Variants in ZCCHC4 observed in about 807,000 individuals in gnomAD.
The protein encoded by ZCCHC4 is rRNA N(6)-adenosine-methyltransferase ZCCHC4.
ZCCHC4 carries 54 observed loss-of-function variants against 67.7 expected under a neutral mutation model. That is an observed-to-expected ratio of 0.80 (90% CI 0.64 to 1.00). The LOEUF is 1.00. Ranked by LOEUF, ZCCHC4 falls within the 50% of genes least tolerant of loss-of-function variation. ZCCHC4 has a pLI of 0.00. For missense variants in ZCCHC4, 609 were observed against 617.0 expected, an observed-to-expected ratio of 0.99 and a Z score of 0.14; for synonymous variants, 198 against 213.5, an observed-to-expected ratio of 0.93 and a Z score of 0.63.
Position 25,333,922 on chromosome 4 carries a change from T to G in ZCCHC4, c.620T>G (p.Ile207Ser). Residue 207 changes from isoleucine to serine, a missense_variant, in exon 5 of 13, where the codon ATC (isoleucine) becomes AGC (serine). Ile to Ser is a moderately radical substitution (Grantham distance 142). Transcript: ENST00000302874. ...CVGTPRLHEL[I>S]KLTASGDKKS... is the part of the protein sequence containing the mutation. Reference sequence around the variant, plus strand: ...AATTGCTTTAGGTTGCATGAGCTGATCAAGTTGACAGCATCAGGTGACAAG... The same window carrying G: ...AATTGCTTTAGGTTGCATGAGCTGAGCAAGTTGACAGCATCAGGTGACAAG... 5.6e-6 allele frequency: 9 copies of G among 1,600,048 alleles called. No individual in the cohort carries two copies. Among genetic ancestry groups the G allele is most frequent in the African/African-American group, 5.4e-5 (4 of 74,442 alleles).
chr4:25,348,383 C>T (rs1720124971), intron 6 of ZCCHC4, among the ~76,000 whole-genome samples: 1 of 152,074 alleles, frequency 6.6e-6, no homozygotes, highest in Non-Finnish European at 1.5e-5. Context: ...AATCTCATGT[C>T]ATTTTGTATA....
rs140079010 is a variant in ZCCHC4, at chr4:25,314,893, A to G, written c.247-425A>G. Among the ~76,000 whole-genome samples the G allele has an allele frequency of 3.6e-4, 55 of 152,336 alleles. 1 individual carries two copies. Among genetic ancestry groups the G allele is most frequent in the Middle Eastern group, 6.8e-3 (2 of 294 alleles). ...TGAACATCCCTTATACAGCTATTAGATGACCAATGAAGGCACTTAGAGATA... is the reference window on the plus strand; with the variant it reads ...TGAACATCCCTTATACAGCTATTAGGTGACCAATGAAGGCACTTAGAGATA... On this transcript the variant is annotated intron_variant, in intron 2 of 12. Transcript: ENST00000302874.
intron 6 of ZCCHC4, among the ~76,000 whole-genome samples, chr4:25,346,669 G>T (rs1415383603): frequency 1.3e-5 from 2 of 152,118 alleles, no homozygotes; most frequent in Non-Finnish European, 2.9e-5. Flanking sequence ...TTAGCATTGG[G>T]ATATATATTA....
chr4:25,343,002 A>T (rs996358204), intron 5 of ZCCHC4, among the ~76,000 whole-genome samples: 1 of 152,168 alleles, frequency 6.6e-6, no homozygotes, highest in Admixed American at 6.5e-5. Context: ...AACAATAGGG[A>T]TTATGTTAAA....
At chr4:25,343,164 A>G (rs1360381407) in intron 5 of ZCCHC4, among the ~76,000 whole-genome samples, 3 of 152,178 alleles carry the variant, frequency 2.0e-5, no homozygotes, top group Non-Finnish European at 4.4e-5. Context: ...AGGAAGACAT[A>G]TTTGTTTAAT....
chr4:25,328,446 G>A (rs2109059745), intron 3 of ZCCHC4, among the ~76,000 whole-genome samples: 1 of 152,174 alleles, frequency 6.6e-6, no homozygotes, highest in Admixed American at 6.5e-5. Context: ...TGCCATATTG[G>A]CCAGGCTGGT....
rs1439427222 is a variant in ZCCHC4 at position 25,340,076 on chromosome 4, G to A, written c.687-5472G>A. 6.6e-5 allele frequency among the ~76,000 whole-genome samples: 10 copies of A among 152,108 alleles called. No individual in the cohort carries two copies. The East Asian group carries it at 1.5e-3, about 24-fold the overall frequency. On this transcript the variant is annotated intron_variant, in intron 5 of 12. Transcript: ENST00000302874. Reference sequence around the variant, plus strand: ...GTAGAGATGAGCTTTCACCATGTTAGCCAGGATGGTCTCGATCTCCTGACC... The same window carrying A: ...GTAGAGATGAGCTTTCACCATGTTAACCAGGATGGTCTCGATCTCCTGACC...
intron 5 of ZCCHC4, among the ~76,000 whole-genome samples, chr4:25,343,162 A>G (rs1414396026): frequency 1.3e-5 from 2 of 152,174 alleles, no homozygotes; most frequent in Non-Finnish European, 2.9e-5. Context: ...ATAGGAAGAC[A>G]TATTTGTTTA....
intron 8 of ZCCHC4, among the ~76,000 whole-genome samples, chr4:25,354,905 C>CTT (rs61156499): frequency 0.027 from 2,745 of 101,474 alleles, 108 homozygotes; most frequent in African/African-American, 0.045. Flanking sequence ...TTGATTAGGC[C>CTT]TTTTTTTTTT....
intron 8 of ZCCHC4, among the ~76,000 whole-genome samples, chr4:25,355,056 A>G (rs1412450055): frequency 6.6e-6 from 1 of 152,186 alleles, no homozygotes; most frequent in Non-Finnish European, 1.5e-5. Flanking sequence ...TTCATAAAAC[A>G]TAAATTATGT....
intron 5 of ZCCHC4, among the ~76,000 whole-genome samples, chr4:25,342,087 T>G (rs1719780812): frequency 6.6e-6 from 1 of 152,220 alleles, no homozygotes; most frequent in South Asian, 2.1e-4. Context: ...CAGTTCAGTT[T>G]TTTTGATAAC....
rs1720627316 is a variant in ZCCHC4, at chr4:25,359,164, C to T, written c.1012-2695C>T. On this transcript the variant is annotated intron_variant, in intron 8 of 12. Coordinates refer to ENST00000302874, the MANE Select transcript of ZCCHC4 (RefSeq NM_024936.3). This position sits in a 1 kb window ranked among gnomAD's most constrained non-coding sequence, Gnocchi z 4.9. ...AACCTGGGCAGCAGTAGATGGGTCC[C>T]CCGCAAGCATGGAGAAGGTACTGAA... 6.6e-6 allele frequency among the ~76,000 whole-genome samples: 1 copy of T among 152,172 alleles called. No homozygotes were observed. Among genetic ancestry groups the T allele is most frequent in the African/African-American group, 2.4e-5 (1 of 41,440 alleles).
At chr4:25,336,367 A>G (rs1719459872) in intron 5 of ZCCHC4, among the ~76,000 whole-genome samples, 1 of 152,220 alleles carries the variant, frequency 6.6e-6, no homozygotes, top group Non-Finnish European at 1.5e-5. Flanking sequence ...GCATGGAGCT[A>G]GAAACTTCTT....
At chr4:25,320,186 T>A (rs1560397894) in intron 3 of ZCCHC4, among the ~76,000 whole-genome samples, 1 of 152,202 alleles carries the variant, frequency 6.6e-6, no homozygotes, top group South Asian at 2.1e-4. Flanking sequence ...GATTTGCTTT[T>A]TTTTTTATAG....
intron 6 of ZCCHC4, among the ~76,000 whole-genome samples, chr4:25,348,789 T>G (rs1720144114): frequency 6.6e-6 from 1 of 152,112 alleles, no homozygotes; most frequent in Non-Finnish European, 1.5e-5. Context: ...GTCAGTTGAG[T>G]GGAGATACTG....
chr4:25,333,400 T>G lies in ZCCHC4; in HGVS notation c.547T>G (p.Leu183Val). 6.2e-7 allele frequency: 1 copy of G among 1,614,180 alleles called. No individual in the cohort carries two copies. The highest frequency in any genetic ancestry group is 8.5e-7 in the Non-Finnish European group (1 of 1,180,014). ...YLFADRSCQF[L>V]VDLLSALGFR... ...GTTTGCTGATCGGAGCTGTCAGTTC[T>G]TGGTAGACTTACTTTCTGCCCTCGG... Residue 183 changes from leucine (L) to valine (V), a missense_variant, in exon 4 of 13, where the codon TTG becomes GTG. Coordinates refer to ENST00000302874, the MANE Select transcript of ZCCHC4 (RefSeq NM_024936.3).
intron 3 of ZCCHC4, among the ~76,000 whole-genome samples, chr4:25,329,442 C>T (rs954561329): frequency 6.6e-6 from 1 of 150,576 alleles, no homozygotes; most frequent in Admixed American, 6.6e-5. Context: ...GCTTTAGCCC[C>T]TGAACTACTG....
intron 3 of ZCCHC4, among the ~76,000 whole-genome samples, chr4:25,327,040 T>C (rs932585603): frequency 6.6e-6 from 1 of 152,276 alleles, no homozygotes; most frequent in Non-Finnish European, 1.5e-5. Flanking sequence ...ATTGATCTTT[T>C]ATTTTGAAAT....
At chr4:25,328,955 A>C (rs773993442) in intron 3 of ZCCHC4, among the ~76,000 whole-genome samples, 1 of 152,100 alleles carries the variant, frequency 6.6e-6, no homozygotes, top group Admixed American at 6.6e-5. Context: ...TTGGAGGCCA[A>C]AGCAAGTGGG....
Sources: gnomAD v4.1 joint callset for allele counts (sites outside exome capture counted in the v4.1 genomes callset) on GRCh38, gnomAD v4.1.1 for gene constraint, Gnocchi (gnomAD v3.1) non-coding constraint, MANE v1.5 for transcripts, NCBI Gene and HGNC (gene_info 2026-07-23, HGNC 2026-07-21) for gene names.